The following ANKS1B variants were observed in gnomAD, a reference collection of about 807,000 sequenced individuals.
ANKS1B encodes the protein ankyrin repeat and sterile alpha motif domain containing 1B.
Under a neutral mutation model 148.3 loss-of-function variants are expected in ANKS1B, and 36 were observed. The ratio of observed to expected loss-of-function variants is 0.24; its 90% CI spans 0.19 to 0.32. The LOEUF (loss-of-function observed/expected upper bound fraction) is 0.32. Ranked by LOEUF, ANKS1B falls within the 10% of genes least tolerant of loss-of-function variation. The probability of loss-of-function intolerance (pLI) is 1.00; values close to 1 mark genes in which losing one functional copy is unlikely to be tolerated. For synonymous variants in ANKS1B, 542 were observed against 560.8 expected (o/e 0.97, Z 0.47); for missense variants, 1,157 against 1,542.6 (o/e 0.75, Z 4.19).
chr12:98,814,746 G>C (rs963572448), intron 19 of ANKS1B, among the ~76,000 whole-genome samples: 2 of 152,098 alleles, frequency 1.3e-5, no homozygotes, highest in Non-Finnish European at 2.9e-5. Context: ...TAGTTTTTCT[G>C]AACCTGAATT....
intron 6 of ANKS1B, 103 bp from the exon 7 acceptor site, chr12:99,775,764 CATATCCTAAAT>C (rs2063589601): frequency 9.6e-6 from 6 of 622,738 alleles, no homozygotes; most frequent in African/African-American, 1.8e-5. Context: ...TTTATTTTTT[CATATCCTAAAT>C]ATATCCTAAG....
chr12:99,660,660 G>A (rs2098472960), intron 8 of ANKS1B, among the ~76,000 whole-genome samples: 1 of 152,082 alleles, frequency 6.6e-6, no homozygotes, highest in Non-Finnish European at 1.5e-5. Context: ...ACCGTGCCTG[G>A]CCTAAACTTT....
chr12:99,398,272 G>C (rs955092648), intron 12 of ANKS1B, among the ~76,000 whole-genome samples: 1 of 152,056 alleles, frequency 6.6e-6, no homozygotes, highest in East Asian at 1.9e-4. Context: ...CTAGGGAAAA[G>C]TAATTCTCTG....
At chr12:99,147,099 T>C (rs1178380754) in intron 15 of ANKS1B, among the ~76,000 whole-genome samples, 2 of 152,122 alleles carry the variant, frequency 1.3e-5, no homozygotes, top group Non-Finnish European at 2.9e-5. Flanking sequence ...GCCCCTGTTC[T>C]AGTGTTTATA....
At chr12:99,676,927 A>C (rs539223042) in intron 8 of ANKS1B, among the ~76,000 whole-genome samples, 1 of 152,232 alleles carries the variant, frequency 6.6e-6, no homozygotes, top group African/African-American at 2.4e-5. Context: ...GGAATGGAGT[A>C]GGAAGAAGGA....
intron 14 of ANKS1B, among the ~76,000 whole-genome samples, chr12:99,184,700 C>T (rs1376563424): frequency 6.6e-6 from 1 of 152,182 alleles, no homozygotes; most frequent in Non-Finnish European, 1.5e-5. Flanking sequence ...GCATTGCTTA[C>T]AATGTATCCT....
chr12:99,086,089 C>T (rs2051683218), intron 15 of ANKS1B, among the ~76,000 whole-genome samples: 1 of 152,144 alleles, frequency 6.6e-6, no homozygotes, highest in Non-Finnish European at 1.5e-5. Context: ...ATGCAGGGCC[C>T]TACCCACAAC....
intron 9 of ANKS1B, among the ~76,000 whole-genome samples, chr12:99,525,115 T>C (rs2096914140): frequency 6.6e-6 from 1 of 152,012 alleles, no homozygotes; most frequent in Non-Finnish European, 1.5e-5. Flanking sequence ...GTTGTTTTTT[T>C]ATGCCACTAA....
At chr12:99,136,000 A>G (rs2067918505) in intron 15 of ANKS1B, among the ~76,000 whole-genome samples, 1 of 152,216 alleles carries the variant, frequency 6.6e-6, no homozygotes, top group Admixed American at 6.5e-5. Context: ...AAAAACAGAT[A>G]GTATGATGGA....
At chr12:99,875,710 T>G (rs1405988245) in intron 1 of ANKS1B, among the ~76,000 whole-genome samples, 1 of 152,170 alleles carries the variant, frequency 6.6e-6, no homozygotes, top group African/African-American at 2.4e-5. Context: ...GGAAGAACAA[T>G]GGGACTTTGG....
chr12:99,678,537 C>T (rs1266353762), intron 8 of ANKS1B, among the ~76,000 whole-genome samples: 2 of 152,132 alleles, frequency 1.3e-5, no homozygotes, highest in African/African-American at 4.8e-5. Context: ...AGAGAAAATT[C>T]TCCTACCTGT....
intron 9 of ANKS1B, among the ~76,000 whole-genome samples, chr12:99,529,134 A>G (rs954153461): frequency 1.2e-4 from 18 of 152,180 alleles, no homozygotes; most frequent in Non-Finnish European, 2.4e-4. Context: ...TACAAATGCA[A>G]CTGAAAACAT....
chr12:99,315,060 T>C (rs1283484438), intron 12 of ANKS1B, among the ~76,000 whole-genome samples: 2 of 151,844 alleles, frequency 1.3e-5, no homozygotes, highest in Non-Finnish European at 2.9e-5. Flanking sequence ...CTGGCCAACA[T>C]GGTGAAACCC....
intron 9 of ANKS1B, among the ~76,000 whole-genome samples, chr12:99,548,481 C>A (rs1271075044): frequency 6.6e-6 from 1 of 151,990 alleles, no homozygotes; most frequent in African/African-American, 2.4e-5. Context: ...CAATAGAAAT[C>A]CCCCCACCAC....
At chr12:99,666,892 GTGT>G (rs1567601450) in intron 8 of ANKS1B, among the ~76,000 whole-genome samples, 21 of 146,176 alleles carry the variant, frequency 1.4e-4, no homozygotes, top group African/African-American at 2.3e-4. Context: ...GTGTGTGTGT[GTGT>G]GGTGAGGACA....
At position 98,928,917 on chromosome 12, in the gene ANKS1B, A is replaced by C. The variant is rs375582375; in HGVS notation, c.2779-96781T>G. 6.6e-5 allele frequency among the ~76,000 whole-genome samples: 10 copies of C among 152,188 alleles called. No individual in the cohort carries two copies. In the East Asian group the frequency reaches 1.9e-3, roughly 29 times the overall value. The stretch of plus-strand genomic sequence containing the variant: ...TACTCTGGTCACTTCTATTCAATAT[A>C]GTATTGGGGGTGCTAGCCAGGCTAA... On this transcript the variant is annotated intron_variant, in intron 17 of 26. Transcript: ENST00000683438.
chr12:99,038,423 C>T (rs1363084382), intron 17 of ANKS1B, among the ~76,000 whole-genome samples: 1 of 152,178 alleles, frequency 6.6e-6, no homozygotes, highest in East Asian at 1.9e-4. Flanking sequence ...CTTCACCACA[C>T]CACTTTAGTA....
At chr12:98,860,538 A>G (rs1481182694) in intron 17 of ANKS1B, among the ~76,000 whole-genome samples, 5 of 152,382 alleles carry the variant, frequency 3.3e-5, no homozygotes, top group South Asian at 4.1e-4. Flanking sequence ...AAGCCCGTCA[A>G]TGGAAGCAGA....
intron 1 of ANKS1B, among the ~76,000 whole-genome samples, chr12:99,912,707 A>G (rs1480073257): frequency 6.6e-6 from 1 of 152,086 alleles, no homozygotes; most frequent in African/African-American, 2.4e-5. Context: ...GGCTATCTGT[A>G]TATTCAAATT....
Sources: gnomAD v4.1 joint callset for allele counts (sites outside exome capture counted in the v4.1 genomes callset) on GRCh38, gnomAD v4.1.1 for gene constraint, MANE v1.5 for transcripts, NCBI Gene and HGNC (gene_info 2026-07-23, HGNC 2026-07-21) for gene names.